The following PCBP3 variants were observed in gnomAD, a reference collection of about 807,000 sequenced individuals.
PCBP3 encodes the protein poly(rC) binding protein 3, also known as poly(rC)-binding protein 3.
Under a neutral mutation model 52.7 loss-of-function variants are expected in PCBP3, and 25 were observed. The observed-to-expected ratio is 0.47, with a 90% confidence interval of 0.35 to 0.66. The LOEUF (loss-of-function observed/expected upper bound fraction) is 0.66. Among genes scored for constraint, PCBP3 ranks in the 30% least tolerant of loss-of-function variants. The pLI is 0.01. For synonymous variants in PCBP3, 162 were observed against 183.0 expected (o/e 0.89, Z 0.93); for missense variants, 391 against 490.3 (o/e 0.80, Z 1.91).
chr21:45,770,118 C>T (rs1239014073), intron 4 of PCBP3, among the ~76,000 whole-genome samples: 1 of 152,188 alleles, frequency 6.6e-6, no homozygotes, highest in East Asian at 1.9e-4. Flanking sequence ...GCGACCCGGC[C>T]TCCCTCCTTG....
At chr21:45,812,763 GAT>G (rs962233510) in intron 4 of PCBP3, among the ~76,000 whole-genome samples, 1 of 152,142 alleles carries the variant, frequency 6.6e-6, no homozygotes, top group African/African-American at 2.4e-5. Flanking sequence ...TAATTTTGAT[GAT>G]GTCTTTATTT....
chr21:45,701,007 T>C (rs2083092098), intron 2 of PCBP3, among the ~76,000 whole-genome samples: 1 of 152,164 alleles, frequency 6.6e-6, no homozygotes, highest in South Asian at 2.1e-4. Context: ...TGCTAATAAA[T>C]GTTGTTGGAT....
chr21:45,869,700 T>A (rs1170283502), intron 5 of PCBP3, among the ~76,000 whole-genome samples: 2 of 152,086 alleles, frequency 1.3e-5, no homozygotes, highest in African/African-American at 4.8e-5. Flanking sequence ...GAGACCTCGG[T>A]GGACAGAAGG....
At chr21:45,875,273 G>C (rs547926300) in intron 5 of PCBP3, among the ~76,000 whole-genome samples, 9 of 151,790 alleles carry the variant, frequency 5.9e-5, no homozygotes, top group African/African-American at 2.2e-4. Flanking sequence ...ACTCACTGGG[G>C]CTGGGGGCCC....
chr21:45,863,983 G>T (rs3788210), intron 5 of PCBP3, among the ~76,000 whole-genome samples: 67,942 of 152,122 alleles, frequency 0.45, 17,078 homozygotes, highest in East Asian at 0.96. Context: ...CCGTCAGGCC[G>T]GCTGTTCCAC....
intron 3 of PCBP3, among the ~76,000 whole-genome samples, chr21:45,739,183 TTCA>T (rs2086166203): frequency 9.7e-6 from 1 of 103,486 alleles, no homozygotes; most frequent in Admixed American, 1.1e-4. Flanking sequence ...CTCCCCCATC[TTCA>T]TCAGCCCACC....
intron 4 of PCBP3, among the ~76,000 whole-genome samples, chr21:45,831,702 C>T (rs182538056): frequency 9.4e-4 from 134 of 142,778 alleles, no homozygotes; most frequent in African/African-American, 3.2e-3. Context: ...AAAGTGAAAG[C>T]AAGTTAGTTA....
intron 4 of PCBP3, among the ~76,000 whole-genome samples, chr21:45,777,115 T>C (rs748721102): frequency 1.3e-5 from 2 of 152,208 alleles, no homozygotes; most frequent in Non-Finnish European, 2.9e-5. Flanking sequence ...GGTAACAAAT[T>C]CCCTCAGCAT....
intron 13 of PCBP3, among the ~76,000 whole-genome samples, chr21:45,926,279 G>A (rs2075394920): frequency 6.6e-6 from 1 of 152,206 alleles, no homozygotes. Context: ...CCACTGCACT[G>A]CCAGCCGTCT....
At chr21:45,693,781 A>G (rs2082619097) in intron 2 of PCBP3, among the ~76,000 whole-genome samples, 1 of 152,176 alleles carries the variant, frequency 6.6e-6, no homozygotes, top group African/African-American at 2.4e-5. Context: ...CCTGCACTAT[A>G]AGAATACTTT....
intron 2 of PCBP3, among the ~76,000 whole-genome samples, chr21:45,710,569 C>T (rs2083766899): frequency 1.3e-5 from 2 of 152,186 alleles, no homozygotes. Context: ...TGGACACATG[C>T]TGCTATAACG....
chr21:45,851,362 A>C (rs2148221065), intron 5 of PCBP3, among the ~76,000 whole-genome samples: 1 of 152,334 alleles, frequency 6.6e-6, no homozygotes, highest in South Asian at 2.1e-4. Context: ...AAATACAAAA[A>C]TTAGCCAGGT....
rs73378535 is a variant in PCBP3, at chr21:45,737,382, A to C, written c.-162+1953A>C. On this transcript the variant is annotated intron_variant, in intron 3 of 17. Transcript: ENST00000681687. This position sits in a 1 kb window ranked among gnomAD's most constrained non-coding sequence, Gnocchi z 4.9. Reference sequence around the variant, plus strand: ...TTTGTAATCTTACAAATCTGGATCTAATTTTCACCAAACTCTCAAGGGAAG... The same window carrying C: ...TTTGTAATCTTACAAATCTGGATCTCATTTTCACCAAACTCTCAAGGGAAG... Among the ~76,000 whole-genome samples the C allele has an allele frequency of 7.5e-3, 1,137 of 152,318 alleles. 13 individuals are homozygous for C. The highest frequency in any genetic ancestry group is 0.026 in the African/African-American group (1,089 of 41,566).
chr21:45,684,795 A>G (rs1215157644), intron 2 of PCBP3, among the ~76,000 whole-genome samples: 2 of 152,224 alleles, frequency 1.3e-5, no homozygotes, highest in Admixed American at 6.5e-5. Flanking sequence ...CTTTATAGCA[A>G]CGCAAAACAG....
chr21:45,790,161 T>A (rs1346145837), intron 4 of PCBP3, among the ~76,000 whole-genome samples: 1 of 151,634 alleles, frequency 6.6e-6, no homozygotes, highest in Non-Finnish European at 1.5e-5. Flanking sequence ...AAAAGAATAG[T>A]CTCTCAGGGG....
chr21:45,880,878 C>T lies in PCBP3; in HGVS notation c.11-15330C>T, dbSNP rs1325342978. 2.6e-5 allele frequency among the ~76,000 whole-genome samples: 4 copies of T among 152,128 alleles called. No individual in the cohort carries two copies. The highest frequency in any genetic ancestry group is 2.1e-4 in the South Asian group (1 of 4,826). On this transcript the variant is annotated intron_variant, in intron 5 of 17. Coordinates refer to ENST00000681687, the MANE Select transcript of PCBP3 (RefSeq NM_001384156.1). The surrounding 1 kb of genome is among the most constrained non-coding windows in gnomAD (Gnocchi z 5.4). Reference sequence around the variant, plus strand: ...AAGGGGGTAGGTGCTGGGCTCTGGACGGGAGGCTCAGGGCCGGGGTTAAAC... The same window carrying T: ...AAGGGGGTAGGTGCTGGGCTCTGGATGGGAGGCTCAGGGCCGGGGTTAAAC...
chr21:45,759,456 G>T (rs1018457273), intron 4 of PCBP3, among the ~76,000 whole-genome samples: 6 of 151,984 alleles, frequency 3.9e-5, no homozygotes, highest in African/African-American at 1.5e-4. Context: ...CACCTCTGCC[G>T]CATTATTTTT....
chr21:45,882,485 C>A (rs1042609569), intron 5 of PCBP3, among the ~76,000 whole-genome samples: 7 of 152,008 alleles, frequency 4.6e-5, no homozygotes, highest in African/African-American at 1.5e-4. Context: ...TAGGTTGTCT[C>A]TTCACTCTGT....
At chr21:45,892,274 C>T (rs2095686502) in intron 5 of PCBP3, among the ~76,000 whole-genome samples, 1 of 152,198 alleles carries the variant, frequency 6.6e-6, no homozygotes, top group Admixed American at 6.5e-5. Flanking sequence ...GTCTTCTGGT[C>T]CTTGCTTATC....
Sources: gnomAD v4.1 joint callset for allele counts (sites outside exome capture counted in the v4.1 genomes callset) on GRCh38, gnomAD v4.1.1 for gene constraint, Gnocchi (gnomAD v3.1) non-coding constraint, MANE v1.5 for transcripts, NCBI Gene and HGNC (gene_info 2026-07-23, HGNC 2026-07-21) for gene names.